ROBO1: variants seen among roughly 807,000 people sequenced by gnomAD.
ROBO1 encodes the protein roundabout guidance receptor 1.
ROBO1 carries 149 observed loss-of-function variants against 195.9 expected under a neutral mutation model. The observed-to-expected ratio is 0.76, with a 90% CI of 0.67 to 0.87. The LOEUF (loss-of-function observed/expected upper bound fraction) is 0.87, where lower values mean the gene tolerates loss of function less well. ROBO1 is among the 40% of genes least tolerant of loss of function. ROBO1 has a pLI of 0.00. For synonymous variants in ROBO1, 816 were observed against 733.2 expected (o/e 1.11, Z -1.82); for missense variants, 1,933 against 2,068.3 (o/e 0.93, Z 1.27).
chr3:78,738,377 C>T (rs946630675), intron 5 of ROBO1, among the ~76,000 whole-genome samples: 22 of 152,056 alleles, frequency 1.4e-4, no homozygotes, highest in Non-Finnish European at 2.2e-4. Context: ...GAATGGGAAG[C>T]GTTAAATAGT....
intron 3 of ROBO1, among the ~76,000 whole-genome samples, chr3:79,035,806 A>C (rs1228245580): frequency 1.3e-5 from 2 of 152,100 alleles, no homozygotes; most frequent in African/African-American, 4.8e-5. Context: ...TTTCCAAAAG[A>C]AGTAACTTGA....
intron 2 of ROBO1, among the ~76,000 whole-genome samples, chr3:79,232,817 A>T (rs2082344020): frequency 6.6e-6 from 1 of 152,148 alleles, no homozygotes. Flanking sequence ...CTTCTCATTC[A>T]TTCTTTTGTA....
At chr3:78,988,426 A>G (rs2077161741) in intron 3 of ROBO1, among the ~76,000 whole-genome samples, 1 of 152,138 alleles carries the variant, frequency 6.6e-6, no homozygotes, top group Non-Finnish European at 1.5e-5. Flanking sequence ...AACTTACACA[A>G]CATAATTCTC....
intron 7 of ROBO1, chr3:78,714,759 T>C: frequency 2.6e-6 from 1 of 385,474 alleles, no homozygotes; most frequent in Non-Finnish European, 4.6e-6. Flanking sequence ...AAGTTGGCAT[T>C]TATTTACTTA....
intron 2 of ROBO1, among the ~76,000 whole-genome samples, chr3:79,575,164 A>AATATATATAAC (rs1560007188): frequency 3.1e-5 from 3 of 96,892 alleles, no homozygotes; most frequent in African/African-American, 9.5e-5. Context: ...ATATATAACA[A>AATATATATAAC]ATATATATAA....
chr3:78,905,448 T>G (rs1482852495), intron 4 of ROBO1, among the ~76,000 whole-genome samples: 1 of 152,000 alleles, frequency 6.6e-6, no homozygotes. Flanking sequence ...GATTAGCCTT[T>G]GCAACATAGA....
At chr3:78,693,033 T>C (rs1156417510) in intron 8 of ROBO1, 4 of 247,228 alleles carry the variant, frequency 1.6e-5, no homozygotes. Flanking sequence ...ACGATATATA[T>C]ATATTCGAAC....
chr3:79,752,290 A>C (rs1433360491), intron 1 of ROBO1, among the ~76,000 whole-genome samples: 1 of 152,178 alleles, frequency 6.6e-6, no homozygotes, highest in Admixed American at 6.6e-5. Context: ...AAGTTTCTGC[A>C]TGCATTACTT....
At chr3:79,331,545 G>T (rs1459106762) in intron 2 of ROBO1, among the ~76,000 whole-genome samples, 1 of 152,030 alleles carries the variant, frequency 6.6e-6, no homozygotes, top group Non-Finnish European at 1.5e-5. Flanking sequence ...GATTTTTCTG[G>T]ATCAGTTTAT....
rs1435880202 is a variant in ROBO1, at chr3:79,361,267, G to C, written c.88+228557C>G. 2.0e-5 allele frequency among the ~76,000 whole-genome samples: 3 copies of C among 151,910 alleles called. No individual in the cohort carries two copies. In the South Asian group the frequency reaches 6.2e-4, roughly 32 times the overall value. On this transcript the variant is annotated intron_variant, in intron 2 of 30. Coordinates refer to ENST00000464233, the MANE Select transcript of ROBO1 (RefSeq NM_002941.4). ...TTCAATATTAGAATTTTCTACTTAT[G>C]CATCTTTGTAGTAGATAAAAATTAA...
At chr3:79,019,562 C>G in intron 3 of ROBO1, 4 of 985,698 alleles carry the variant, frequency 4.1e-6, no homozygotes, top group Non-Finnish European at 4.8e-6. Flanking sequence ...CCATGCTTCA[C>G]TCTATTCTCC....
chr3:79,001,574 C>T (rs3886677), intron 3 of ROBO1, among the ~76,000 whole-genome samples: 1 of 152,084 alleles, frequency 6.6e-6, no homozygotes, highest in East Asian at 1.9e-4. Flanking sequence ...ATAAATTATC[C>T]TAAAGAATAG....
intron 5 of ROBO1, among the ~76,000 whole-genome samples, chr3:78,724,890 G>A (rs572828634): frequency 6.6e-6 from 1 of 152,138 alleles, no homozygotes; most frequent in African/African-American, 2.4e-5. Flanking sequence ...TTTAAAATAA[G>A]CTAAAATATT....
intron 2 of ROBO1, among the ~76,000 whole-genome samples, chr3:79,148,884 A>T (rs1400512525): frequency 6.6e-6 from 1 of 151,952 alleles, no homozygotes; most frequent in Non-Finnish European, 1.5e-5. Context: ...TAGCATAAAC[A>T]TAATTTTAGA....
Position 79,120,658 on chromosome 3 carries a change from A to T in ROBO1, c.172+4798T>A, listed in dbSNP as rs2108559876. On this transcript the variant is annotated intron_variant, in intron 3 of 30. Coordinates refer to ENST00000464233, the MANE Select transcript of ROBO1 (RefSeq NM_002941.4). ...TTGGGACAAAAATATGAAGGGTTTA[A>T]TGAGGGAGGTGTCAGAGAAAATCAC... is the stretch of plus-strand genomic sequence containing the variant. 2.0e-5 allele frequency among the ~76,000 whole-genome samples: 3 copies of T among 152,266 alleles called. 1 individual carries two copies. The Middle Eastern group carries it at 0.01, about 518-fold the overall frequency.
chr3:79,591,449 T>C (rs1943997806), intron 1 of ROBO1, among the ~76,000 whole-genome samples: 1 of 151,882 alleles, frequency 6.6e-6, no homozygotes, highest in South Asian at 2.1e-4. Flanking sequence ...TTCCTCTCTC[T>C]AAATTTTTCT....
chr3:78,709,150 A>G (rs1194848319), intron 8 of ROBO1, among the ~76,000 whole-genome samples: 1 of 152,196 alleles, frequency 6.6e-6, no homozygotes, highest in African/African-American at 2.4e-5. Context: ...AAAATGATGT[A>G]ATGTGAGGTT....
rs370479489 is a variant in ROBO1, at chr3:79,293,008, C to T, written c.89-167469G>A. Among the ~76,000 whole-genome samples the T allele has an allele frequency of 3.7e-4, 56 of 152,178 alleles. 1 individual carries two copies. In the East Asian group the frequency reaches 7.0e-3, roughly 19 times the overall value. On this transcript the variant is annotated intron_variant, in intron 2 of 30. Transcript: ENST00000464233. ...TTGGCTGTGAATCCGTCTGGTCCTTCGCTTTTTTTGGTTGGTAGGCTATTA... is the reference window on the plus strand; with the variant it reads ...TTGGCTGTGAATCCGTCTGGTCCTTTGCTTTTTTTGGTTGGTAGGCTATTA...
At chr3:79,593,866 T>C (rs1944080478) in intron 1 of ROBO1, among the ~76,000 whole-genome samples, 1 of 151,914 alleles carries the variant, frequency 6.6e-6, no homozygotes, top group Non-Finnish European at 1.5e-5. Context: ...ATCTGCCCGC[T>C]TTGGCCTCCC....
Sources: gnomAD v4.1 joint callset for allele counts (sites outside exome capture counted in the v4.1 genomes callset) on GRCh38, gnomAD v4.1.1 for gene constraint, MANE v1.5 for transcripts, NCBI Gene and HGNC (gene_info 2026-07-23, HGNC 2026-07-21) for gene names.